The following WFDC8 variants were observed in gnomAD, a reference collection of about 807,000 sequenced individuals.
WFDC8 encodes WAP four-disulfide core domain 8.
WFDC8 carries 24 observed loss-of-function variants against 27.0 expected under a neutral mutation model. The observed-to-expected ratio is 0.89, with a 90% confidence interval of 0.64 to 1.25. WFDC8 has a LOEUF of 1.25. WFDC8 is among the 50% of genes most tolerant of loss of function. WFDC8 has a pLI of 0.00. For missense variants in WFDC8, 287 were observed against 295.9 expected, an observed-to-expected ratio of 0.97 and a Z score of 0.22; for synonymous variants, 106 against 99.7, an observed-to-expected ratio of 1.06 and a Z score of -0.38.
At chr20:45,562,364 C>T in intron 1 of WFDC8, 145 bp from the exon 2 acceptor site, 5 of 670,024 alleles carry the variant, frequency 7.5e-6, no homozygotes, top group Non-Finnish European at 1.3e-5. Flanking sequence ...AGGAGTCTGT[C>T]TGAGGTCAGA....
chr20:45,575,688 A>C (rs1396590916), intron 1 of WFDC8, among the ~76,000 whole-genome samples: 2 of 151,278 alleles, frequency 1.3e-5, no homozygotes, highest in Non-Finnish European at 3.0e-5. Context: ...AGGTCTACAG[A>C]TGGCCAGGAG....
chr20:45,557,658 C>T (rs1191754741), intron 3 of WFDC8, among the ~76,000 whole-genome samples: 1 of 152,140 alleles, frequency 6.6e-6, no homozygotes, highest in African/African-American at 2.4e-5. Flanking sequence ...GTGTCGAACT[C>T]CTGACATCAG....
chr20:45,575,820 A>G (rs1981025386), intron 1 of WFDC8, among the ~76,000 whole-genome samples: 1 of 151,262 alleles, frequency 6.6e-6, no homozygotes, highest in Non-Finnish European at 1.5e-5. Context: ...GCCCAGCCCC[A>G]GGCCCTGTTT....
chr20:45,574,119 T>C (rs1980963543), intron 1 of WFDC8, among the ~76,000 whole-genome samples: 1 of 152,146 alleles, frequency 6.6e-6, no homozygotes, highest in Non-Finnish European at 1.5e-5. Flanking sequence ...TGGAAGAAAT[T>C]GAGAAATTCC....
At chr20:45,557,399 G>A (rs1277508640) in intron 3 of WFDC8, among the ~76,000 whole-genome samples, 1 of 152,030 alleles carries the variant, frequency 6.6e-6, no homozygotes, top group Non-Finnish European at 1.5e-5. Context: ...TTCCTATTTT[G>A]ATTAATAAAG....
intron 1 of WFDC8, among the ~76,000 whole-genome samples, chr20:45,564,852 G>A (rs1284502521): frequency 7.1e-6 from 1 of 140,332 alleles, no homozygotes; most frequent in African/African-American, 2.7e-5. Context: ...GGAAGGGAAA[G>A]GAAAGGAAAG....
At chr20:45,568,570 T>G (rs778347388) in intron 1 of WFDC8, 28 of 491,312 alleles carry the variant, frequency 5.7e-5, no homozygotes, top group Admixed American at 2.5e-4. Context: ...CAACACTATC[T>G]CCAGTCACAG....
intron 4 of WFDC8, among the ~76,000 whole-genome samples, chr20:45,554,042 C>T (rs564360758): frequency 1.6e-4 from 25 of 152,234 alleles, no homozygotes; most frequent in South Asian, 8.3e-4. Flanking sequence ...TGTCACTCAA[C>T]GAAGCCTCAA....
intron 1 of WFDC8, among the ~76,000 whole-genome samples, chr20:45,571,420 T>A (rs1244762395): frequency 2.0e-5 from 3 of 152,192 alleles, no homozygotes; most frequent in Admixed American, 2.0e-4. Flanking sequence ...TATGTACACA[T>A]TGCGGAATGG....
At chr20:45,560,859 G>C (rs1980441118) in intron 2 of WFDC8, among the ~76,000 whole-genome samples, 1 of 152,148 alleles carries the variant, frequency 6.6e-6, no homozygotes, top group Non-Finnish European at 1.5e-5. Context: ...AATCATCTAT[G>C]CATCTTTCAG....
chr20:45,556,185 T>G (rs1187792152), intron 3 of WFDC8, among the ~76,000 whole-genome samples: 1 of 152,238 alleles, frequency 6.6e-6, no homozygotes, highest in East Asian at 1.9e-4. Context: ...AACTATTAGG[T>G]TGATGCAAAA....
intron 2 of WFDC8, 95 bp downstream of exon 2, chr20:45,562,015 G>T: frequency 8.8e-7 from 1 of 1,131,574 alleles, no homozygotes; most frequent in South Asian, 1.4e-5. Flanking sequence ...CACAGTAGAG[G>T]GGGCCTCATC....
chr20:45,577,600 G>C (rs1414783833), intron 1 of WFDC8, among the ~76,000 whole-genome samples: 1 of 149,608 alleles, frequency 6.7e-6, no homozygotes, highest in Non-Finnish European at 1.5e-5. Flanking sequence ...AGGTTTCACT[G>C]TGTTGGCCAG....
At chr20:45,559,321 T>G (rs1980382539) in intron 2 of WFDC8, among the ~76,000 whole-genome samples, 1 of 152,192 alleles carries the variant, frequency 6.6e-6, no homozygotes, top group Non-Finnish European at 1.5e-5. Flanking sequence ...TTAATTCCTT[T>G]GTCTCCAGTT....
Position 45,558,930 on chromosome 20 carries a change from T to C in WFDC8, c.199A>G (p.Asn67Asp), listed in dbSNP as rs768386248. 4 of 1,614,216 alleles carry C rather than the reference T, an allele frequency of 2.5e-6. No individual in the cohort carries two copies. The South Asian group carries it at 3.3e-5, about 13-fold the overall frequency. ...TATTCCTTGCAGTCAAAATCTGTGT[T>C]ACATGAGTCCGGAAGTTCAGTGGTA... ...TCTTELPDSC[N>D]TDFDCKEYQK... The change falls in exon 3 of 6, where the codon AAC (asparagine) becomes GAC (aspartate). Residue 67 changes from asparagine to aspartate, a missense_variant. Coordinates refer to ENST00000289953, the MANE Select transcript of WFDC8 (RefSeq NM_130896.3).
intron 1 of WFDC8, among the ~76,000 whole-genome samples, chr20:45,577,862 C>T (rs574975947): frequency 1.3e-5 from 2 of 149,136 alleles, no homozygotes; most frequent in East Asian, 4.0e-4. Context: ...CAAAAATTAG[C>T]CTGGAGTGGT....
chr20:45,553,996 A>T (rs1050836891), intron 4 of WFDC8, among the ~76,000 whole-genome samples: 2 of 151,828 alleles, frequency 1.3e-5, no homozygotes, highest in Non-Finnish European at 2.9e-5. Context: ...GTTTATGTTG[A>T]GCTTATTTTT....
chr20:45,576,640 T>A lies in WFDC8; in HGVS notation c.26+2582A>T, dbSNP rs373594228. Among the ~76,000 whole-genome samples, 3 of 151,456 alleles carry A rather than the reference T, an allele frequency of 2.0e-5. No homozygotes were observed. In the East Asian group the frequency reaches 5.8e-4, roughly 29 times the overall value. ...CTTGAACTCCTGGCCTCAAGCAATC[T>A]GCCTGCCTCGGCCTCCCAAAGTGTT... On this transcript the variant is annotated intron_variant, in intron 1 of 5. Transcript: ENST00000289953.
intron 1 of WFDC8, among the ~76,000 whole-genome samples, chr20:45,564,773 TC>T (rs1389309554): frequency 6.0e-5 from 9 of 149,868 alleles, no homozygotes; most frequent in African/African-American, 2.2e-4. Context: ...GCCCAGGAAG[TC>T]AGTGTTTCAA....
Sources: gnomAD v4.1 joint callset for allele counts (sites outside exome capture counted in the v4.1 genomes callset) on GRCh38, gnomAD v4.1.1 for gene constraint, MANE v1.5 for transcripts, NCBI Gene and HGNC (gene_info 2026-07-23, HGNC 2026-07-21) for gene names.